The following PTPRT variants were observed in gnomAD, a reference collection of about 807,000 sequenced individuals.
The protein encoded by PTPRT is protein tyrosine phosphatase receptor type T.
Under a neutral mutation model 176.8 loss-of-function variants are expected in PTPRT, and 56 were observed. The observed-to-expected ratio is 0.32, with a 90% confidence interval of 0.26 to 0.40. PTPRT has a LOEUF of 0.40. Among genes scored for constraint, PTPRT ranks in the 10% least tolerant of loss-of-function variants. The pLI is 1.00. For missense variants in PTPRT, 1,540 were observed against 1,908.2 expected (o/e 0.81, Z 3.60); for synonymous variants, 783 against 739.0 (o/e 1.06, Z -0.96).
chr20:42,086,239 G>A (rs753737164), intron 27 of PTPRT, among the ~76,000 whole-genome samples: 34 of 152,198 alleles, frequency 2.2e-4, no homozygotes, highest in East Asian at 5.8e-4. Context: ...GTGCCCAGCC[G>A]TCACCAAGCT....
chr20:42,120,107 G>T (rs533901483), intron 19 of PTPRT, 136 bp from the exon 20 acceptor site: 161 of 700,742 alleles, frequency 2.3e-4, no homozygotes, highest in African/African-American at 1.4e-3. Context: ...TCCCAGAGAA[G>T]TGGCAAAGGT....
intron 7 of PTPRT, among the ~76,000 whole-genome samples, chr20:42,596,731 G>A (rs981051693): frequency 6.6e-6 from 1 of 152,170 alleles, no homozygotes; most frequent in Admixed American, 6.6e-5. Context: ...ATACAAATAT[G>A]AGAAATGTGC....
At chr20:42,408,405 T>C (rs2058981261) in intron 9 of PTPRT, among the ~76,000 whole-genome samples, 3 of 152,152 alleles carry the variant, frequency 2.0e-5, no homozygotes, top group Non-Finnish European at 4.4e-5. Context: ...TATGTGTGTC[T>C]GTGTCTATCT....
intron 1 of PTPRT, among the ~76,000 whole-genome samples, chr20:43,112,777 A>G (rs2012915248): frequency 6.6e-6 from 1 of 152,216 alleles, no homozygotes; most frequent in African/African-American, 2.4e-5. Flanking sequence ...GAGACTTTTA[A>G]AACAGAGACA....
intron 1 of PTPRT, among the ~76,000 whole-genome samples, chr20:43,188,749 T>TG (rs771702039): frequency 0.58 from 33,627 of 57,698 alleles, 11,318 homozygotes; most frequent in Middle Eastern, 0.68. Context: ...CCGCTACTCT[T>TG]GGGGGGGGGG....
chr20:42,267,514 T>C (rs1006693528), intron 13 of PTPRT, among the ~76,000 whole-genome samples: 6 of 152,242 alleles, frequency 3.9e-5, no homozygotes, highest in Admixed American at 1.3e-4. Flanking sequence ...AATATTCAAA[T>C]TCTATTTCTA....
intron 6 of PTPRT, chr20:42,688,465 C>G (rs768461554): frequency 1.3e-5 from 2 of 152,254 alleles, no homozygotes; most frequent in Non-Finnish European, 2.9e-5. Flanking sequence ...TCACCACTTC[C>G]TGCCATTTTT....
chr20:42,886,359 G>A (rs1277939054), intron 1 of PTPRT, among the ~76,000 whole-genome samples: 1 of 152,136 alleles, frequency 6.6e-6, no homozygotes, highest in African/African-American at 2.4e-5. Flanking sequence ...ACAAGGCTGT[G>A]TGAGCTCAGG....
At chr20:43,103,414 C>T (rs571828137) in intron 1 of PTPRT, among the ~76,000 whole-genome samples, 44 of 152,246 alleles carry the variant, frequency 2.9e-4, no homozygotes, top group African/African-American at 2.6e-4. Flanking sequence ...TTCCCAAGAA[C>T]GTGGTGTTAC....
intron 19 of PTPRT, among the ~76,000 whole-genome samples, chr20:42,128,463 G>A (rs538569879): frequency 2.6e-5 from 4 of 152,030 alleles, no homozygotes; most frequent in African/African-American, 7.2e-5. Flanking sequence ...ATGGCCATGC[G>A]TTTATGTGAA....
At chr20:42,904,313 A>G (rs1434619150) in intron 1 of PTPRT, among the ~76,000 whole-genome samples, 1 of 152,154 alleles carries the variant, frequency 6.6e-6, no homozygotes, top group African/African-American at 2.4e-5. Context: ...GCAACTTGCT[A>G]AATCACATAG....
chr20:42,195,839 T>C lies in PTPRT; in HGVS notation c.2491+3401A>G, dbSNP rs1257461561. 3.3e-5 allele frequency among the ~76,000 whole-genome samples: 5 copies of C among 152,182 alleles called. No homozygotes were observed. In the South Asian group the frequency reaches 8.3e-4, roughly 25 times the overall value. On this transcript the variant is annotated intron_variant, in intron 16 of 30. Coordinates refer to ENST00000373187, the MANE Select transcript of PTPRT (RefSeq NM_007050.6). ...ATATGCACACACATACATACACACC[T>C]TAATCATTTGAAAAGTTTGTCCCTG...
At position 42,446,206 on chromosome 20, in the gene PTPRT, T is replaced by G. The variant is rs1183566831; in HGVS notation, c.1560+2014A>C. Among the ~76,000 whole-genome samples the G allele has an allele frequency of 2.6e-5, 4 of 152,136 alleles. No individual in the cohort carries two copies. In the South Asian group the frequency reaches 8.3e-4, roughly 32 times the overall value. ...TGCAGGTATGTACAAGGACCAGGGC[T>G]TTTCCATGACAAAGTTGCCATCAAT... On this transcript the variant is annotated intron_variant, in intron 9 of 30. Transcript: ENST00000373187.
At chr20:42,345,266 C>G (rs1164398027) in intron 11 of PTPRT, among the ~76,000 whole-genome samples, 1 of 151,636 alleles carries the variant, frequency 6.6e-6, no homozygotes, top group Non-Finnish European at 1.5e-5. Flanking sequence ...TGTTCAGTGG[C>G]AGTCATACCA....
chr20:42,647,713 G>A (rs1290215159), intron 7 of PTPRT, among the ~76,000 whole-genome samples: 1 of 152,182 alleles, frequency 6.6e-6, no homozygotes, highest in Non-Finnish European at 1.5e-5. Context: ...GCTGGAGGAT[G>A]TGTCTGCATC....
chr20:42,803,451 G>A lies in PTPRT; in HGVS notation c.215-11985C>T, dbSNP rs184906736. 7.4e-3 allele frequency among the ~76,000 whole-genome samples: 1,127 copies of A among 152,338 alleles called. 11 individuals are homozygous for A. The highest frequency in any genetic ancestry group is 7.6e-3 in the Non-Finnish European group (520 of 68,030). On this transcript the variant is annotated intron_variant, in intron 2 of 30. Transcript: ENST00000373187. The stretch of plus-strand genomic sequence containing the variant: ...TAACCTGGCGATCATGCCAGTTCCT[G>A]TCCACTGGATGTTCCCTGCTTTTCC...
At chr20:42,550,879 T>C (rs13045506) in intron 7 of PTPRT, among the ~76,000 whole-genome samples, 33,728 of 152,056 alleles carry the variant, frequency 0.22, 4,106 homozygotes, top group African/African-American at 0.32. Context: ...ATTTGAGCCA[T>C]GGCCTCCTCA....
At chr20:42,208,942 C>T (rs574051402) in intron 15 of PTPRT, among the ~76,000 whole-genome samples, 135 of 152,304 alleles carry the variant, frequency 8.9e-4, no homozygotes, top group Non-Finnish European at 1.1e-3. Context: ...TTATAACAAA[C>T]TATCTCTCAG....
At chr20:42,144,382 G>A (rs1374246309) in intron 17 of PTPRT, among the ~76,000 whole-genome samples, 1 of 152,128 alleles carries the variant, frequency 6.6e-6, no homozygotes, top group Non-Finnish European at 1.5e-5. Flanking sequence ...CCACGTTGGA[G>A]ATGTCCATTA....
Sources: allele counts gnomAD v4.1 joint callset (sites outside exome capture counted in the v4.1 genomes callset), GRCh38; gene constraint gnomAD v4.1.1; transcripts MANE v1.5; gene names NCBI Gene and HGNC (gene_info 2026-07-23, HGNC 2026-07-21).